The following CLIP1 variants were observed in gnomAD, a reference collection of about 807,000 sequenced individuals.
CLIP1 encodes CAP-Gly domain containing linker protein 1.
A neutral mutation model predicts 161.6 loss-of-function variants in CLIP1; 66 were observed. The observed-to-expected ratio is 0.41, with a 90% confidence interval of 0.33 to 0.50. The LOEUF is 0.50. CLIP1 is among the 20% of genes least tolerant of loss of function. CLIP1 has a pLI of 0.27. For missense variants in CLIP1, 1,376 were observed against 1,702.0 expected, an observed-to-expected ratio of 0.81 and a Z score of 3.37; for synonymous variants, 598 against 626.2, an observed-to-expected ratio of 0.96 and a Z score of 0.67.
intron 23 of CLIP1, 47 bp downstream of exon 23, chr12:122,278,745 G>T (rs555927822): frequency 2.0e-6 from 3 of 1,515,060 alleles, no homozygotes; most frequent in African/African-American, 1.4e-5. Flanking sequence ...AGGGCTCCTC[G>T]GGAGGACGCG....
At chr12:122,357,062 C>CGTCTG (rs1184358458) in intron 5 of CLIP1, among the ~76,000 whole-genome samples, 1 of 152,190 alleles carries the variant, frequency 6.6e-6, no homozygotes, top group African/African-American at 2.4e-5. Flanking sequence ...GCCGCCACCC[C>CGTCTG]GTCTGGGAAG....
At chr12:122,327,914 T>A (rs750492883) in intron 17 of CLIP1, 33 bp downstream of exon 17, 1 of 1,605,132 alleles carries the variant, frequency 6.2e-7, no homozygotes, top group Non-Finnish European at 8.5e-7. Context: ...TCAGGCAAGC[T>A]ACAACACAAG....
At chr12:122,291,638 G>A (rs1950255261) in intron 20 of CLIP1, among the ~76,000 whole-genome samples, 1 of 152,184 alleles carries the variant, frequency 6.6e-6, no homozygotes, top group South Asian at 2.1e-4. Flanking sequence ...CACCACAGAA[G>A]TAATCCTGTG....
rs1405697855 is a variant in CLIP1, at chr12:122,323,427, C to T, written c.3250-4079G>A. 3 of 152,632 alleles carry T rather than the reference C, an allele frequency of 2.0e-5. No homozygotes were observed. Among genetic ancestry groups the T allele is most frequent in the African/African-American group, 7.2e-5 (3 of 41,448 alleles). 9.5% of individuals were successfully genotyped at this position (152,632 alleles called of 1,614,324 possible). A position where few individuals can be genotyped will look rare whatever the true frequency, so the allele number is the denominator to read the frequency against. On this transcript the variant is annotated intron_variant, in intron 17 of 25. Transcript: ENST00000620786. The surrounding 1 kb of genome is among the most constrained non-coding windows in gnomAD (Gnocchi z 4.1). ...TGGATGCACTCGGAGTCCGTGACCG[C>T]CCGCCTGGCCTTAATTTCCTCCAAG... is the stretch of plus-strand genomic sequence containing the variant.
Position 122,319,226 on chromosome 12 carries a change from G to T in CLIP1, c.3366+6C>A. 1.3e-6 allele frequency: 2 copies of T among 1,567,812 alleles called. No homozygotes were observed. The highest frequency in any genetic ancestry group is 1.1e-5 in the South Asian group (1 of 90,062). The stretch of plus-strand genomic sequence containing the variant: ...TTTGTATAAAAAGCTATTTAAATCT[G>T]ATTACTTCATTCTGTAGTTTTGCAT... On this transcript the variant is annotated splice_donor_region_variant and intron_variant, in intron 18 of 25. Transcript: ENST00000620786.
chr12:122,370,567 G>A (rs1954395106), intron 3 of CLIP1, among the ~76,000 whole-genome samples: 1 of 152,136 alleles, frequency 6.6e-6, no homozygotes, highest in Non-Finnish European at 1.5e-5. Context: ...TCTAACAGGT[G>A]ACATTAAATA....
intron 3 of CLIP1, among the ~76,000 whole-genome samples, chr12:122,374,971 A>G (rs773171406): frequency 2.6e-5 from 4 of 152,152 alleles, no homozygotes; most frequent in Admixed American, 6.5e-5. Context: ...TTGAAACACA[A>G]CAGCTGGGCG....
chr12:122,357,162 T>C (rs1318376491), intron 5 of CLIP1, among the ~76,000 whole-genome samples: 1 of 150,258 alleles, frequency 6.7e-6, no homozygotes, highest in East Asian at 2.0e-4. Context: ...GGAGCGCCTC[T>C]TCCCGGCCGC....
Position 122,377,547 on chromosome 12 carries a change from T to C in CLIP1, c.499A>G (p.Ile167Val). Residue 167 changes from isoleucine (I) to valine (V), a missense_variant, in exon 3 of 26, where the codon ATC (isoleucine) becomes GTC (valine). Physicochemically the swap from Ile to Val is conservative, Grantham distance 29. Coordinates refer to ENST00000620786, the MANE Select transcript of CLIP1 (RefSeq NM_001247997.2). ...VSSSPSTPSN[I>V]PQKPSQPAAK... The stretch of plus-strand genomic sequence containing the variant: ...GCTGGCTGTGATGGTTTCTGAGGGA[T>C]GTTTGAAGGGGTGGAGGGGGAGGAA... The C allele has an allele frequency of 1.2e-6, 2 of 1,613,932 alleles. No homozygotes were observed. Among genetic ancestry groups the C allele is most frequent in the African/African-American group, 1.3e-5 (1 of 74,952 alleles).
In CLIP1 at chr12:122,279,141, A is replaced by G; in HGVS notation, c.3652T>C (p.Ser1218Pro). 2 of 1,609,424 alleles carry G rather than the reference A, an allele frequency of 1.2e-6. No individual in the cohort carries two copies. Among genetic ancestry groups the G allele is most frequent in the African/African-American group, 1.3e-5 (1 of 74,812 alleles). Reference protein sequence around the residue: ...NQLLEMKKRESKFIKDADEEK... With the variant: ...NQLLEMKKREPKFIKDADEEK... Reference sequence around the variant, plus strand: ...TCATCTGCGTCTTTTATGAACTTGGATTCTCTAAAAGACCAAAGAGTTAAA... The same window carrying G: ...TCATCTGCGTCTTTTATGAACTTGGGTTCTCTAAAAGACCAAAGAGTTAAA... The change falls in exon 22 of 26, where the codon TCC becomes CCC. Residue 1218 changes from serine (S) to proline (P), a missense_variant. By Grantham distance (74) the Ser-to-Pro change is moderately conservative. Coordinates refer to ENST00000620786, the MANE Select transcript of CLIP1 (RefSeq NM_001247997.2). The surrounding 1 kb of genome is among the most constrained non-coding windows in gnomAD (Gnocchi z 4.5).
chr12:122,351,696 G>A (rs1218704589), intron 8 of CLIP1, among the ~76,000 whole-genome samples: 6 of 152,104 alleles, frequency 3.9e-5, no homozygotes, highest in East Asian at 1.9e-4. Context: ...CTAAAATATT[G>A]TAGATTAAAG....
intron 1 of CLIP1, among the ~76,000 whole-genome samples, chr12:122,385,079 C>A (rs1955192904): frequency 6.6e-6 from 1 of 151,584 alleles, no homozygotes; most frequent in African/African-American, 2.4e-5. Flanking sequence ...ACTACAGGCG[C>A]CCACCACCAC....
At chr12:122,276,512 A>G in intron 24 of CLIP1, 3 of 1,282,502 alleles carry the variant, frequency 2.3e-6, no homozygotes, top group Middle Eastern at 2.1e-4. Context: ...GGGGGAAGAG[A>G]AGACACTGTT....
rs1269153751 is a variant in CLIP1 at position 122,278,207 on chromosome 12, A to G, written c.3917-4T>C. The G allele has an allele frequency of 6.6e-7, 1 of 1,513,032 alleles. No homozygotes were observed. Among genetic ancestry groups the G allele is most frequent in the Admixed American group, 1.8e-5 (1 of 54,208 alleles). 93.7% of individuals were successfully genotyped at this position (1,513,032 alleles called of 1,614,324 possible). On this transcript the variant is annotated splice_region_variant and splice_polypyrimidine_tract_variant and intron_variant, in intron 23 of 25. Transcript: ENST00000620786. ...TCTGCCTGAGTGTCTGTATTACCTT[A>G]TATTTGAGGAAAAAAAAAAAAAAAC...
intron 20 of CLIP1, among the ~76,000 whole-genome samples, chr12:122,301,598 C>T (rs1235230993): frequency 2.0e-5 from 3 of 152,132 alleles, no homozygotes; most frequent in East Asian, 1.9e-4. Context: ...CACTTGAACC[C>T]GGGAGGCGGA....
Position 122,390,160 on chromosome 12 carries a change from TAC to T in CLIP1, c.-106-9604_-106-9603del, listed in dbSNP as rs1329644009. Among the ~76,000 whole-genome samples the T allele has an allele frequency of 5.2e-5, 5 of 95,462 alleles. 1 individual carries two copies. Among genetic ancestry groups the T allele is most frequent in the Admixed American group, 4.2e-4 (3 of 7,166 alleles). The allele number at this position is 95,462 out of a possible 152,430, so 62.6% of individuals were successfully genotyped here. The stretch of plus-strand genomic sequence containing the variant: ...CAATTCAATCTCTTTTCTAATAAAT[TAC>T]ACAGTCTCAGATATATATATATATA... On this transcript the variant is annotated intron_variant, in intron 1 of 25. Transcript: ENST00000620786.
At chr12:122,277,973 T>C in intron 24 of CLIP1, 181 bp downstream of exon 24, 1 of 634,794 alleles carries the variant, frequency 1.6e-6, no homozygotes, top group South Asian at 1.9e-5. Context: ...AGAGAAGGTT[T>C]GGAGGAAGAC....
chr12:122,419,412 G>A (rs1007832715), intron 1 of CLIP1, among the ~76,000 whole-genome samples: 1 of 151,660 alleles, frequency 6.6e-6, no homozygotes, highest in Non-Finnish European at 1.5e-5. Flanking sequence ...AACGTTTACT[G>A]AGTACATGGA....
intron 21 of CLIP1, among the ~76,000 whole-genome samples, chr12:122,286,976 C>T (rs1406189079): frequency 6.6e-6 from 1 of 151,854 alleles, no homozygotes. Flanking sequence ...CCAGCCTGGG[C>T]GACAGAGCGA....
Sources: allele counts gnomAD v4.1 joint callset (sites outside exome capture counted in the v4.1 genomes callset), GRCh38; gene constraint gnomAD v4.1.1; non-coding constraint Gnocchi (gnomAD v3.1); transcripts MANE v1.5; gene names NCBI Gene and HGNC (gene_info 2026-07-23, HGNC 2026-07-21).